Variants in ZNF658 observed in about 807,000 individuals in gnomAD.
ZNF658 encodes zinc finger protein 658.
Under a neutral mutation model 78.0 loss-of-function variants are expected in ZNF658, and 46 were observed. That is an observed-to-expected ratio of 0.59 (90% CI 0.47 to 0.75). The LOEUF (loss-of-function observed/expected upper bound fraction) is 0.75, where lower values mean the gene tolerates loss of function less well. ZNF658 is among the 30% of genes least tolerant of loss of function. The pLI, the probability that ZNF658 is intolerant of heterozygous loss-of-function variation, is 0.00. For missense variants in ZNF658, 785 were observed against 1,189.3 expected, an observed-to-expected ratio of 0.66 and a Z score of 5.00; for synonymous variants, 279 against 408.4, an observed-to-expected ratio of 0.68 and a Z score of 3.82.
chr9:66,910,526 G>A (rs955220887), intron 4 of ZNF658, among the ~76,000 whole-genome samples: 3 of 151,520 alleles, frequency 2.0e-5, no homozygotes, highest in African/African-American at 7.3e-5. Context: ...CAGTAAAGTT[G>A]GGCCAGGCGT....
chr9:66,918,318 A>G lies in ZNF658; in HGVS notation c.752A>G (p.Asn251Ser). The change falls in exon 5 of 5, where the codon AAC becomes AGC. Residue 251 changes from asparagine (N) to serine (S), a missense_variant. Coordinates refer to ENST00000621410, the MANE Select transcript of ZNF658 (RefSeq NM_033160.7). ...TGTAAGGATGATGAATTTAGAAAAA[A>G]CTTTGATAAAATCACTTTATTTAAC... Reference protein sequence around the residue: ...KSCKDDEFRKNFDKITLFNHM... With the variant: ...KSCKDDEFRKSFDKITLFNHM... 1 of 1,613,888 alleles carries G rather than the reference A, an allele frequency of 6.2e-7. No homozygotes were observed.
In ZNF658 at chr9:66,918,674, G is replaced by A. The variant is rs150982546; in HGVS notation, c.1108G>A (p.Ala370Thr). ...CCTCTACCAGAAATTAGACTTTACA[G>A]CACATCAGAGAATTCACACAGAAGA... ...DALYQKLDFT[A>T]HQRIHTEDKF... Residue 370 changes from alanine (A) to threonine (T), a missense_variant, in exon 5 of 5, where the codon GCA (alanine) becomes ACA (threonine). This residue lies in a region of ZNF658 where 393 missense variants were observed against 400.2 expected (regional missense o/e 0.98). Transcript: ENST00000621410. The A allele has an allele frequency of 4.1e-5, 66 of 1,613,834 alleles. No individual in the cohort carries two copies. In the African/African-American group the frequency reaches 7.1e-4, roughly 17 times the overall value.
chr9:66,904,890 A>G (rs1822036624), intron 2 of ZNF658, among the ~76,000 whole-genome samples: 1 of 151,774 alleles, frequency 6.6e-6, no homozygotes, highest in African/African-American at 2.4e-5. Context: ...TTGTTTCAGC[A>G]CTTTGAATAT....
At chr9:66,903,989 A>G (rs1165911524) in intron 2 of ZNF658, among the ~76,000 whole-genome samples, 1 of 152,150 alleles carries the variant, frequency 6.6e-6, no homozygotes, top group Non-Finnish European at 1.5e-5. Context: ...AGAAGTAGAA[A>G]TTGTAATGCT....
At chr9:66,903,764 T>G (rs1201005298) in intron 2 of ZNF658, among the ~76,000 whole-genome samples, 188 bp downstream of exon 2, 4 of 152,090 alleles carry the variant, frequency 2.6e-5, no homozygotes, top group Non-Finnish European at 4.4e-5. Flanking sequence ...TATTACAAAT[T>G]TACCAAATTA....
At chr9:66,912,147 A>AG in intron 4 of ZNF658, among the ~76,000 whole-genome samples, 1 of 123,758 alleles carries the variant, frequency 8.1e-6, no homozygotes, top group East Asian at 2.1e-4. Flanking sequence ...AAAAAAAAAA[A>AG]AAAGACAAAA....
intron 2 of ZNF658, among the ~76,000 whole-genome samples, chr9:66,905,136 C>T (rs551066671): frequency 1.3e-4 from 16 of 124,814 alleles, no homozygotes; most frequent in Non-Finnish European, 2.0e-4. Flanking sequence ...AGTGCAGTGG[C>T]ATGATCTCGG....
chr9:66,905,068 C>CTTTTTTTTTTTTTTTTTTTTTT, intron 2 of ZNF658, among the ~76,000 whole-genome samples: 13 of 31,762 alleles, frequency 4.1e-4, no homozygotes, highest in African/African-American at 1.5e-3. Context: ...TTTTTCTTTT[C>CTTTTTTTTTTTTTTTTTTTTTT]TTTTTTTTTT....
Position 66,918,587 on chromosome 9 carries a change from A to T in ZNF658, c.1021A>T (p.Ile341Leu), listed in dbSNP as rs1326777648. ...EENFSQSSAHIVHQKTQAGDK... is the reference protein window; with the variant it reads ...EENFSQSSAHLVHQKTQAGDK... ...AAATTTTAGCCAGAGCTCAGCCCAT[A>T]TAGTACATCAGAAAACACAAGCTGG... is the stretch of plus-strand genomic sequence containing the variant. The change falls in exon 5 of 5, where the codon ATA becomes TTA. Residue 341 changes from isoleucine to leucine, a missense_variant. Physicochemically the swap from Ile to Leu is conservative, Grantham distance 5. Around this residue, in one of 12 missense-constraint regions of ZNF658, gnomAD observed 393 missense variants for 400.2 expected, o/e 0.98. Coordinates refer to ENST00000621410, the MANE Select transcript of ZNF658 (RefSeq NM_033160.7). The T allele has an allele frequency of 6.2e-7, 1 of 1,609,544 alleles. No individual in the cohort carries two copies. The highest frequency in any genetic ancestry group is 8.5e-7 in the Non-Finnish European group (1 of 1,176,370).
Position 66,917,967 on chromosome 9 carries a change from A to G in ZNF658, c.401A>G (p.Lys134Arg). ...NLEIAPELSE[K>R]ISCKCDSHRM... is the part of the protein sequence containing the mutation. ...GAAATAGCTCCAGAGCTTTCAGAAA[A>G]AATATCCTGTAAATGTGACTCACAC... Residue 134 changes from lysine to arginine, a missense_variant, in exon 5 of 5, where the codon AAA becomes AGA. By Grantham distance (26) the Lys-to-Arg change is conservative. Around this residue, in one of 12 missense-constraint regions of ZNF658, gnomAD observed 54 missense variants for 48.9 expected, o/e 1.10. Coordinates refer to ENST00000621410, the MANE Select transcript of ZNF658 (RefSeq NM_033160.7). The G allele has an allele frequency of 1.2e-6, 2 of 1,608,024 alleles. No individual in the cohort carries two copies. Among genetic ancestry groups the G allele is most frequent in the South Asian group, 1.1e-5 (1 of 89,810 alleles).
Position 66,920,050 on chromosome 9 carries a change from T to C in ZNF658, c.2484T>C (p.Cys828=). The change falls in exon 5 of 5, where the codon TGT becomes TGC. Residue 828 remains cysteine, a synonymous_variant. Transcript: ENST00000621410. The stretch of plus-strand genomic sequence containing the variant: ...ACACAGGGGAGAAACCCTATGAATG[T>C]AACCAATGTGGGAAAACTTTCTCCC... ...RIHTGEKPYE[C]NQCGKTFSQR... is the part of the protein sequence containing the mutation. 6.2e-7 allele frequency: 1 copy of C among 1,613,346 alleles called. No homozygotes were observed. Among genetic ancestry groups the C allele is most frequent in the Non-Finnish European group, 8.5e-7 (1 of 1,179,910 alleles).
At chr9:66,908,597 A>G (rs751140789) in intron 3 of ZNF658, 42 bp from the exon 4 acceptor site, 38 of 1,548,444 alleles carry the variant, frequency 2.5e-5, no homozygotes, top group Non-Finnish European at 3.3e-5. Context: ...TGGAAATCCA[A>G]AAGCCTGTGA....
rs1822415873 is a variant in ZNF658 at position 66,918,730 on chromosome 9, A to G, written c.1164A>G (p.Lys388=). 1 of 1,613,970 alleles carries G rather than the reference A, an allele frequency of 6.2e-7. No homozygotes were observed. The highest frequency in any genetic ancestry group is 8.5e-7 in the Non-Finnish European group (1 of 1,179,856). ...DKFYLSDEHG[K]CRKSFYRKAH... Reference sequence around the variant, plus strand: ...TCTACCTTTCTGATGAACATGGGAAATGCAGAAAATCCTTTTACCGGAAAG... The same window carrying G: ...TCTACCTTTCTGATGAACATGGGAAGTGCAGAAAATCCTTTTACCGGAAAG... Residue 388 remains lysine, a synonymous_variant, in exon 5 of 5, where the codon AAA becomes AAG. Coordinates refer to ENST00000621410, the MANE Select transcript of ZNF658 (RefSeq NM_033160.7).
Position 66,908,708 on chromosome 9 carries a change from A to C in ZNF658, c.212A>C (p.Asp71Ala), listed in dbSNP as rs1211287630. 7 of 1,609,614 alleles carry C rather than the reference A, an allele frequency of 4.3e-6. No individual in the cohort carries two copies. Among genetic ancestry groups the C allele is most frequent in the African/African-American group, 1.3e-5 (1 of 74,540 alleles). ...GGAGAAGAGCCATGGTCTTTAGAAGATGAATTCCTGAACCAGAGGTACCCA... is the reference window on the plus strand; with the variant it reads ...GGAGAAGAGCCATGGTCTTTAGAAGCTGAATTCCTGAACCAGAGGTACCCA... ...EKGEEPWSLE[D>A]EFLNQRYPGY... The change falls in exon 4 of 5, where the codon GAT (aspartate) becomes GCT (alanine). Residue 71 changes from aspartate to alanine, a missense_variant. By Grantham distance (126) the Asp-to-Ala change is moderately radical. Around this residue, in one of 12 missense-constraint regions of ZNF658, gnomAD observed 79 missense variants for 96.5 expected, o/e 0.82. Coordinates refer to ENST00000621410, the MANE Select transcript of ZNF658 (RefSeq NM_033160.7).
At chr9:66,911,133 TG>T (rs1822206625) in intron 4 of ZNF658, among the ~76,000 whole-genome samples, 2 of 122,856 alleles carry the variant, frequency 1.6e-5, no homozygotes, top group South Asian at 5.4e-4. Flanking sequence ...AAATTACATT[TG>T]TATTAAAGTG....
At position 66,918,198 on chromosome 9, in the gene ZNF658, T is replaced by G. The variant is rs751424654; in HGVS notation, c.632T>G (p.Leu211Trp). 2.5e-6 allele frequency: 4 copies of G among 1,606,152 alleles called. No individual in the cohort carries two copies. In the Admixed American group the frequency reaches 6.9e-5, roughly 28 times the overall value. ...KKDQHWKFQT[L>W]EESFECDGSG... ...GATCAGCATTGGAAATTTCAAACTT[T>G]GGAGGAATCTTTTGAATGTGATGGA... The change falls in exon 5 of 5, where the codon TTG (leucine) becomes TGG (tryptophan). Residue 211 changes from leucine (L) to tryptophan (W), a missense_variant. Physicochemically the swap from Leu to Trp is moderately conservative, Grantham distance 61 (BLOSUM62 -2). Around this residue, in one of 12 missense-constraint regions of ZNF658, gnomAD observed 393 missense variants for 400.2 expected, o/e 0.98. Coordinates refer to ENST00000621410, the MANE Select transcript of ZNF658 (RefSeq NM_033160.7).
chr9:66,901,862 C>G (rs554603051), intron 1 of ZNF658, among the ~76,000 whole-genome samples: 1 of 151,974 alleles, frequency 6.6e-6, no homozygotes, highest in South Asian at 2.1e-4. Context: ...GAGAATCGCT[C>G]GAACCCGAGG....
At chr9:66,904,945 C>G (rs1822037581) in intron 2 of ZNF658, among the ~76,000 whole-genome samples, 1 of 151,484 alleles carries the variant, frequency 6.6e-6, no homozygotes, top group Non-Finnish European at 1.5e-5. Context: ...CATTATAAAT[C>G]AGCCTGTAAT....
intron 4 of ZNF658, among the ~76,000 whole-genome samples, chr9:66,914,574 T>C (rs1822289558): frequency 1.3e-5 from 2 of 152,080 alleles, no homozygotes; most frequent in African/African-American, 4.8e-5. Flanking sequence ...ATAATGTTAG[T>C]TATAGGCTTT....
Sources: allele counts gnomAD v4.1 joint callset (sites outside exome capture counted in the v4.1 genomes callset), GRCh38; gene constraint gnomAD v4.1.1; regional missense constraint gnomAD v4.1.1; transcripts MANE v1.5; gene names NCBI Gene and HGNC (gene_info 2026-07-23, HGNC 2026-07-21).